PYGO1: variants seen among roughly 807,000 people sequenced by gnomAD.
PYGO1 encodes the protein pygopus family PHD finger 1, also known as pygopus homolog 1.
In PYGO1, 6 loss-of-function variants were observed where a neutral mutation model predicts 29.5. That is an observed-to-expected ratio of 0.20 (90% CI 0.11 to 0.40). PYGO1 has a LOEUF of 0.40. Ranked by LOEUF, PYGO1 falls within the 10% of genes least tolerant of loss-of-function variation. The pLI is 1.00. For synonymous variants in PYGO1, 186 were observed against 180.5 expected (o/e 1.03, Z -0.24); for missense variants, 515 against 514.9 (o/e 1.00, Z 0.00).
intron 1 of PYGO1, among the ~76,000 whole-genome samples, chr15:55,577,436 T>G (rs905330438): frequency 1.3e-5 from 2 of 152,134 alleles, no homozygotes; most frequent in African/African-American, 4.8e-5. Flanking sequence ...ATGCTTAACC[T>G]TGGCAAAATA....
intron 1 of PYGO1, among the ~76,000 whole-genome samples, chr15:55,560,257 G>C (rs2058927334): frequency 1.3e-5 from 2 of 152,122 alleles, no homozygotes; most frequent in South Asian, 4.2e-4. Flanking sequence ...TTTGTTTGTA[G>C]ATGACATGAT....
At chr15:55,564,294 T>C (rs568170646) in intron 1 of PYGO1, among the ~76,000 whole-genome samples, 1 of 152,180 alleles carries the variant, frequency 6.6e-6, no homozygotes, top group African/African-American at 2.4e-5. Flanking sequence ...GAAAATGTTG[T>C]AAGTAAAAGA....
At chr15:55,558,969 C>A (rs531628499) in intron 1 of PYGO1, among the ~76,000 whole-genome samples, 22 of 151,904 alleles carry the variant, frequency 1.4e-4, no homozygotes, top group Admixed American at 2.6e-4. Context: ...GCAACAAAAG[C>A]CAAAATTGAC....
At chr15:55,553,121 C>A (rs1053158409) in intron 1 of PYGO1, among the ~76,000 whole-genome samples, 1 of 152,148 alleles carries the variant, frequency 6.6e-6, no homozygotes, top group African/African-American at 2.4e-5. Context: ...AGCTGCTGTG[C>A]CAGATCATGG....
At position 55,545,348 on chromosome 15, in the gene PYGO1, C is replaced by A. The variant is rs1314219509; in HGVS notation, c.*675G>T. 6.6e-6 allele frequency: 1 copy of A among 152,152 alleles called. No homozygotes were observed. The highest frequency in any genetic ancestry group is 1.5e-5 in the Non-Finnish European group (1 of 68,032). 9.4% of individuals were successfully genotyped at this position (152,152 alleles called of 1,614,324 possible). On this transcript the variant is annotated 3_prime_UTR_variant, in exon 3 of 3. Transcript: ENST00000563719. ...TTATACCAACTTTACTAATTGCAGT[C>A]AATTTTCAACTGATCTAATATTAGC...
chr15:55,588,627 C>A (rs1429308654), upstream of PYGO1, among the ~76,000 whole-genome samples: 1 of 150,400 alleles, frequency 6.6e-6, no homozygotes, highest in Non-Finnish European at 1.5e-5. Context: ...CGCCTAGGGG[C>A]CGCCCCGCCC....
chr15:55,582,550 T>G (rs1000150414), intron 1 of PYGO1, among the ~76,000 whole-genome samples: 2 of 152,170 alleles, frequency 1.3e-5, no homozygotes, highest in Admixed American at 1.3e-4. Context: ...GTGTTTTCAA[T>G]GCTTTTCTCT....
At chr15:55,588,436 C>T (rs2059059856), upstream of PYGO1, among the ~76,000 whole-genome samples, 1 of 148,460 alleles carries the variant, frequency 6.7e-6, no homozygotes. Context: ...CCCTGAGCTC[C>T]CCAGCCCCGC....
At chr15:55,577,146 C>T (rs527951731) in intron 1 of PYGO1, among the ~76,000 whole-genome samples, 2 of 152,300 alleles carry the variant, frequency 1.3e-5, no homozygotes, top group Non-Finnish European at 2.9e-5. Flanking sequence ...GAGACAAATG[C>T]ATATCTGATC....
chr15:55,547,249 C>G (rs1224312250), intron 2 of PYGO1, 102 bp from the exon 3 acceptor site: 1 of 1,019,398 alleles, frequency 9.8e-7, no homozygotes, highest in Non-Finnish European at 1.4e-6. Flanking sequence ...AGTCAAATTT[C>G]TCTTGCAGTG....
intron 1 of PYGO1, among the ~76,000 whole-genome samples, chr15:55,555,338 T>C (rs1026681517): frequency 5.3e-5 from 8 of 151,870 alleles, no homozygotes; most frequent in African/African-American, 1.9e-4. Context: ...TGAGCCTGCC[T>C]TGCAAGAGCT....
rs1330230861 is a variant in PYGO1 at position 55,541,176 on chromosome 15, G to C, written c.*4847C>G. 6.6e-6 allele frequency: 1 copy of C among 152,170 alleles called. No individual in the cohort carries two copies. The highest frequency in any genetic ancestry group is 2.4e-5 in the African/African-American group (1 of 41,450). 9.4% of individuals were successfully genotyped at this position (152,170 alleles called of 1,614,324 possible). On this transcript the variant is annotated 3_prime_UTR_variant, in exon 3 of 3. Coordinates refer to ENST00000563719, the MANE Select transcript of PYGO1 (RefSeq NM_001367806.1). ...AACGCCTGGCATATACATGGCCACA[G>C]TCTTTCCTTCATTTCCCCTATACCA...
chr15:55,588,737 A>G, upstream of PYGO1: 1 of 1,536,780 alleles, frequency 6.5e-7, no homozygotes. Flanking sequence ...GCATCTCCGA[A>G]CTTCGTCGGA....
At position 55,546,297 on chromosome 15, in the gene PYGO1, G is replaced by T. The variant is rs748037581; in HGVS notation, c.986C>A (p.Pro329Gln). The T allele has an allele frequency of 6.2e-7, 1 of 1,614,184 alleles. No homozygotes were observed. The highest frequency in any genetic ancestry group is 8.5e-7 in the Non-Finnish European group (1 of 1,180,034). ...TEKSNKSSLH[P>Q]NRHGHSSSDP... The stretch of plus-strand genomic sequence containing the variant: ...AGAAGACGAATGGCCATGACGGTTT[G>T]GGTGAAGAGAGGATTTATTGCTTTT... The change falls in exon 3 of 3, where the codon CCA becomes CAA. Residue 329 changes from proline to glutamine, a missense_variant. Coordinates refer to ENST00000563719, the MANE Select transcript of PYGO1 (RefSeq NM_001367806.1).
At chr15:55,588,597 C>T (rs2059060915), upstream of PYGO1, among the ~76,000 whole-genome samples, 1 of 148,980 alleles carries the variant, frequency 6.7e-6, no homozygotes, top group Admixed American at 6.7e-5. Context: ...GCGGCTCTTG[C>T]AGCCCGGGTG....
upstream of PYGO1, among the ~76,000 whole-genome samples, chr15:55,588,483 C>A (rs1234231342): frequency 6.8e-6 from 1 of 146,978 alleles, no homozygotes; most frequent in East Asian, 2.0e-4. Flanking sequence ...GCCGCTGCCT[C>A]GTCCCGCGGC....
chr15:55,588,378 C>A (rs1372984677), upstream of PYGO1, among the ~76,000 whole-genome samples: 2 of 149,034 alleles, frequency 1.3e-5, no homozygotes, highest in African/African-American at 4.9e-5. Context: ...CCTGTAAAAC[C>A]CGCTCTGGGG....
chr15:55,556,247 A>G (rs2058904498), intron 1 of PYGO1, among the ~76,000 whole-genome samples: 1 of 152,106 alleles, frequency 6.6e-6, no homozygotes, highest in Admixed American at 6.6e-5. Flanking sequence ...ATTGATCACA[A>G]TCGGAAGTAA....
At chr15:55,558,846 A>C (rs1382751837) in intron 1 of PYGO1, among the ~76,000 whole-genome samples, 1 of 152,006 alleles carries the variant, frequency 6.6e-6, no homozygotes, top group African/African-American at 2.4e-5. Context: ...AGATGGATTA[A>C]AGACTTAAAT....
Sources: allele counts gnomAD v4.1 joint callset (sites outside exome capture counted in the v4.1 genomes callset), GRCh38; gene constraint gnomAD v4.1.1; transcripts MANE v1.5; gene names NCBI Gene and HGNC (gene_info 2026-07-23, HGNC 2026-07-21).